Variants in MINDY2 observed in about 807,000 individuals in gnomAD.
The protein encoded by MINDY2 is MINDY lysine 48 deubiquitinase 2.
Under a neutral mutation model 68.2 loss-of-function variants are expected in MINDY2, and 52 were observed. That is an observed-to-expected ratio of 0.76 (90% CI 0.61 to 0.96). MINDY2 has a LOEUF of 0.96. MINDY2 is among the 40% of genes least tolerant of loss of function. The pLI is 0.00. For missense variants in MINDY2, 881 were observed against 773.4 expected (o/e 1.14, Z -1.65); for synonymous variants, 372 against 303.0 (o/e 1.23, Z -2.36).
chr15:58,814,710 TA>T (rs2030558050), intron 4 of MINDY2, among the ~76,000 whole-genome samples: 1 of 152,048 alleles, frequency 6.6e-6, no homozygotes, highest in Non-Finnish European at 1.5e-5. Flanking sequence ...TGTCTTTTTG[TA>T]ATTGAGTTGC....
intron 2 of MINDY2, among the ~76,000 whole-genome samples, chr15:58,788,638 A>T (rs867527827): frequency 1.3e-5 from 2 of 152,246 alleles, no homozygotes; most frequent in South Asian, 2.1e-4. Context: ...TTATAATCTG[A>T]CAAATAAGAA....
chr15:58,838,652 T>C (rs565292309), intron 6 of MINDY2, among the ~76,000 whole-genome samples: 1 of 130,358 alleles, frequency 7.7e-6, no homozygotes, highest in South Asian at 2.7e-4. Context: ...GGTGGCACAA[T>C]CTCAGCTCAC....
chr15:58,840,869 C>T (rs1468543041), intron 6 of MINDY2, among the ~76,000 whole-genome samples: 3 of 147,604 alleles, frequency 2.0e-5, no homozygotes, highest in Admixed American at 6.8e-5. Context: ...GGGTTTTCAC[C>T]GTGTTAGCCA....
chr15:58,831,253 A>T (rs1350931080), intron 5 of MINDY2, among the ~76,000 whole-genome samples: 1 of 152,036 alleles, frequency 6.6e-6, no homozygotes, highest in African/African-American at 2.4e-5. Context: ...CCTTATGCCT[A>T]CTTTTAGTTT....
chr15:58,777,251 C>G (rs977242055), intron 1 of MINDY2, among the ~76,000 whole-genome samples: 3 of 152,130 alleles, frequency 2.0e-5, no homozygotes, highest in Non-Finnish European at 4.4e-5. Flanking sequence ...CTTTCAAGAA[C>G]TGACACCTGG....
At chr15:58,824,733 G>A (rs552227872) in intron 5 of MINDY2, among the ~76,000 whole-genome samples, 3 of 148,126 alleles carry the variant, frequency 2.0e-5, no homozygotes, top group South Asian at 2.1e-4. Flanking sequence ...GTAGTGGCAC[G>A]ATCTCGGCTC....
Position 58,772,207 on chromosome 15 carries a change from T to A in MINDY2, c.812T>A (p.Ile271Asn), listed in dbSNP as rs1223158644. 1 of 1,612,684 alleles carries A rather than the reference T, an allele frequency of 6.2e-7. No individual in the cohort carries two copies. The highest frequency in any genetic ancestry group is 8.5e-7 in the Non-Finnish European group (1 of 1,180,008). Residue 271 changes from isoleucine (I) to asparagine (N), a missense_variant, in exon 1 of 9, where the codon ATC becomes AAC. Ile to Asn is a moderately radical substitution (Grantham distance 149). Coordinates refer to ENST00000559228, the MANE Select transcript of MINDY2 (RefSeq NM_001040450.3). ...AACGGACCCTGCCCCTTGCTGGCCA[T>A]CCTCAATGTTTTGCTCCTGGCCTGG... The part of the protein sequence containing the change: ...NENGPCPLLA[I>N]LNVLLLAWKV...
chr15:58,852,410 T>C (rs1402630906), intron 8 of MINDY2, among the ~76,000 whole-genome samples: 1 of 152,186 alleles, frequency 6.6e-6, no homozygotes, highest in Non-Finnish European at 1.5e-5. Flanking sequence ...TTTATGACGT[T>C]GTCCTAAGCT....
intron 7 of MINDY2, among the ~76,000 whole-genome samples, chr15:58,848,077 ATTT>A (rs10719398): frequency 1.1e-4 from 16 of 143,842 alleles, no homozygotes; most frequent in Admixed American, 6.2e-4. Flanking sequence ...GACAGATGAG[ATTT>A]TTTTTTTTTT....
At chr15:58,833,418 CACAGAG>C (rs1378635836) in intron 6 of MINDY2, among the ~76,000 whole-genome samples, 2 of 152,114 alleles carry the variant, frequency 1.3e-5, no homozygotes, top group Non-Finnish European at 2.9e-5. Context: ...AAGACAGAGA[CACAGAG>C]ACAAAGTATA....
intron 6 of MINDY2, among the ~76,000 whole-genome samples, chr15:58,840,696 A>G (rs1192724150): frequency 6.7e-6 from 1 of 148,458 alleles, no homozygotes; most frequent in Admixed American, 6.7e-5. Flanking sequence ...TTTCTCTGTC[A>G]CCCAGGCTGG....
At chr15:58,806,450 T>G (rs1051022674) in intron 3 of MINDY2, among the ~76,000 whole-genome samples, 5 of 151,226 alleles carry the variant, frequency 3.3e-5, no homozygotes, top group Non-Finnish European at 2.9e-5. Context: ...CTCAAACTCC[T>G]GGGCTCAAGT....
At position 58,772,339 on chromosome 15, in the gene MINDY2, ATCAG is replaced by A. The variant is rs1381686712; in HGVS notation, c.840+107_840+110del. 12 of 1,492,250 alleles carry A rather than the reference ATCAG, an allele frequency of 8.0e-6. No homozygotes were observed. In the African/African-American group the frequency reaches 9.7e-5, roughly 12 times the overall value. The allele number at this position is 1,492,250 out of a possible 1,614,324, so 92.4% of individuals were successfully genotyped here. On this transcript the variant is annotated intron_variant, in intron 1 of 8. Coordinates refer to ENST00000559228, the MANE Select transcript of MINDY2 (RefSeq NM_001040450.3). ...GATGGCTTCCTTTCTTTCCTCATTC[ATCAG>A]TCCCCTTCTTACATGAAATTCATTC...
At chr15:58,806,335 G>T (rs957150904) in intron 3 of MINDY2, among the ~76,000 whole-genome samples, 1 of 151,486 alleles carries the variant, frequency 6.6e-6, no homozygotes, top group Non-Finnish European at 1.5e-5. Context: ...GGCATTACAG[G>T]CGTGAGTCAA....
intron 1 of MINDY2, among the ~76,000 whole-genome samples, chr15:58,776,521 C>T (rs1279677751): frequency 2.0e-5 from 3 of 152,210 alleles, no homozygotes; most frequent in Middle Eastern, 3.4e-3. Context: ...AAATGTAGTA[C>T]ATTACTATTG....
intron 5 of MINDY2, among the ~76,000 whole-genome samples, chr15:58,828,311 G>C (rs574255730): frequency 2.6e-5 from 4 of 152,192 alleles, no homozygotes; most frequent in African/African-American, 9.6e-5. Flanking sequence ...TTAAAAGTTA[G>C]ATTGTTTAAA....
At chr15:58,811,563 C>T (rs1221293753) in intron 4 of MINDY2, among the ~76,000 whole-genome samples, 1 of 152,230 alleles carries the variant, frequency 6.6e-6, no homozygotes, top group African/African-American at 2.4e-5. Context: ...TAGCAGAACA[C>T]AGCAAGATTG....
At chr15:58,845,886 C>T (rs1274515733) in intron 6 of MINDY2, among the ~76,000 whole-genome samples, 1 of 152,158 alleles carries the variant, frequency 6.6e-6, no homozygotes, top group Non-Finnish European at 1.5e-5. Context: ...GACATCCTGT[C>T]AAATGCAACA....
At chr15:58,802,442 A>G in intron 3 of MINDY2, 65 bp downstream of exon 3, 1 of 1,015,156 alleles carries the variant, frequency 9.9e-7, no homozygotes, top group Non-Finnish European at 1.4e-6. Context: ...GGTTTCTATT[A>G]GTAGCTGGCA....
Sources: gnomAD v4.1 joint callset for allele counts (sites outside exome capture counted in the v4.1 genomes callset) on GRCh38, gnomAD v4.1.1 for gene constraint, MANE v1.5 for transcripts, NCBI Gene and HGNC (gene_info 2026-07-23, HGNC 2026-07-21) for gene names.